Variants in PCDHGA11 observed in about 807,000 individuals in gnomAD.
The protein encoded by PCDHGA11 is protocadherin gamma subfamily A, 11, also known as protocadherin gamma-A11.
Under a neutral mutation model 60.4 loss-of-function variants are expected in PCDHGA11, and 39 were observed. The observed-to-expected ratio is 0.65, with a 90% CI of 0.50 to 0.84. The LOEUF (loss-of-function observed/expected upper bound fraction) is 0.84, where lower values mean the gene tolerates loss of function less well. Among genes scored for constraint, PCDHGA11 ranks in the 40% least tolerant of loss-of-function variants. The pLI is 0.00. For missense variants in PCDHGA11, 1,165 were observed against 1,197.7 expected (o/e 0.97, Z 0.40); for synonymous variants, 533 against 510.3 (o/e 1.04, Z -0.60).
At chr5:141,484,383 A>C (rs968059260) in intron 1 of PCDHGA11, among the ~76,000 whole-genome samples, 1 of 152,194 alleles carries the variant, frequency 6.6e-6, no homozygotes, top group Non-Finnish European at 1.5e-5. Context: ...ATGTCTGAAT[A>C]AGAAAGGTTT....
intron 3 of PCDHGA11, among the ~76,000 whole-genome samples, chr5:141,506,198 C>T (rs985517638): frequency 3.3e-5 from 5 of 152,156 alleles, no homozygotes; most frequent in Admixed American, 6.5e-5. Context: ...CGCCTGTAAT[C>T]CCAGCACTTT....
chr5:141,440,373 G>A (rs866892003), intron 1 of PCDHGA11: 2 of 152,214 alleles, frequency 1.3e-5, no homozygotes, highest in Non-Finnish European at 2.9e-5. Context: ...GGCCGAGGCA[G>A]GAGAATCGCT....
chr5:141,495,005 C>CG (rs2099758180), intron 2 of PCDHGA11, 140 bp downstream of exon 2: 6 of 1,522,802 alleles, frequency 3.9e-6, no homozygotes, highest in Admixed American at 2.0e-5. Context: ...TCTTGGTGTG[C>CG]GGGGGGCTGG....
chr5:141,476,016 G>A lies in PCDHGA11; in HGVS notation c.2434-18791G>A. 7.4e-7 allele frequency: 1 copy of A among 1,359,386 alleles called. No individual in the cohort carries two copies. 84.2% of individuals were successfully genotyped at this position (1,359,386 alleles called of 1,614,324 possible). A position where few individuals can be genotyped will look rare whatever the true frequency, so the allele number is the denominator to read the frequency against. On this transcript the variant is annotated intron_variant, in intron 1 of 3. Coordinates refer to ENST00000398587, the MANE Select transcript of PCDHGA11 (RefSeq NM_018914.3). This position sits in a 1 kb window ranked among gnomAD's most constrained non-coding sequence, Gnocchi z 7.6. ...TCAACGGCATCCAGAAAGCCATGTC[G>A]GACTCGGCGCCCAGCGCCCAAGCGC...
chr5:141,452,133 A>C (rs2098734490), intron 1 of PCDHGA11, among the ~76,000 whole-genome samples: 1 of 152,136 alleles, frequency 6.6e-6, no homozygotes, highest in Admixed American at 6.5e-5. Flanking sequence ...TATATGGCTC[A>C]TGTGTTTTTT....
chr5:141,430,413 A>G lies in PCDHGA11; in HGVS notation c.2433+6753A>G, dbSNP rs1437560579. ...AAAAAAAAAGCTCACTAAAGTTTCTATTAAAGCGAATACGGTAGATTTCCA... is the reference window on the plus strand; with the variant it reads ...AAAAAAAAAGCTCACTAAAGTTTCTGTTAAAGCGAATACGGTAGATTTCCA... On this transcript the variant is annotated intron_variant, in intron 1 of 3. Coordinates refer to ENST00000398587, the MANE Select transcript of PCDHGA11 (RefSeq NM_018914.3). Among the ~76,000 whole-genome samples the G allele has an allele frequency of 2.0e-5, 3 of 151,870 alleles. No homozygotes were observed. In the South Asian group the frequency reaches 6.2e-4, roughly 31 times the overall value.
intron 1 of PCDHGA11, among the ~76,000 whole-genome samples, chr5:141,454,065 G>A (rs1167102666): frequency 1.3e-5 from 2 of 152,204 alleles, no homozygotes; most frequent in Non-Finnish European, 2.9e-5. Flanking sequence ...AGAAACAAAA[G>A]TGATAATGTT....
intron 1 of PCDHGA11, among the ~76,000 whole-genome samples, chr5:141,438,833 T>C (rs989612425): frequency 6.6e-6 from 1 of 150,476 alleles, no homozygotes; most frequent in Non-Finnish European, 1.5e-5. Context: ...AGCTAATTTT[T>C]TAAAATATTT....
intron 1 of PCDHGA11, chr5:141,427,050 G>A (rs974721070): frequency 4.4e-6 from 2 of 457,372 alleles, no homozygotes; most frequent in Non-Finnish European, 4.4e-6. Flanking sequence ...TGTGCCCCCA[G>A]GCACCTCTGT....
At chr5:141,448,602 A>G (rs1350132402) in intron 1 of PCDHGA11, among the ~76,000 whole-genome samples, 1 of 152,154 alleles carries the variant, frequency 6.6e-6, no homozygotes, top group Non-Finnish European at 1.5e-5. Flanking sequence ...AAAATACTAT[A>G]CACCACTTTA....
At chr5:141,469,111 T>TA (rs1275770294) in intron 1 of PCDHGA11, among the ~76,000 whole-genome samples, 1 of 151,476 alleles carries the variant, frequency 6.6e-6, no homozygotes, top group African/African-American at 2.4e-5. Context: ...AACCTGTCTC[T>TA]AAAAAAATTT....
rs1309928984 is a variant in PCDHGA11, at chr5:141,421,601, T to C, written c.374T>C (p.Ile125Thr). ...LKIYGVEVEI[I>T]DINDNAPSFQ... ...ATTTACGGAGTGGAGGTGGAAATAA[T>C]AGATATTAATGATAACGCCCCCAGC... is the stretch of plus-strand genomic sequence containing the variant. Residue 125 changes from isoleucine to threonine, a missense_variant, in exon 1 of 4, where the codon ATA (isoleucine) becomes ACA (threonine). By Grantham distance (89) the Ile-to-Thr change is moderately conservative. Coordinates refer to ENST00000398587, the MANE Select transcript of PCDHGA11 (RefSeq NM_018914.3). 19 of 1,613,652 alleles carry C rather than the reference T, an allele frequency of 1.2e-5. No homozygotes were observed. Among genetic ancestry groups the C allele is most frequent in the Non-Finnish European group, 1.6e-5 (19 of 1,179,810 alleles).
chr5:141,462,998 C>A (rs562002585), intron 1 of PCDHGA11, among the ~76,000 whole-genome samples: 3 of 152,190 alleles, frequency 2.0e-5, no homozygotes, highest in Admixed American at 2.0e-4. Context: ...CTAATTTAGA[C>A]CTACCACTTA....
intron 1 of PCDHGA11, among the ~76,000 whole-genome samples, chr5:141,447,233 G>A (rs565398752): frequency 2.6e-5 from 4 of 152,028 alleles, no homozygotes; most frequent in Non-Finnish European, 4.4e-5. Flanking sequence ...TCCGCCTCCC[G>A]GGTTCAAGTG....
intron 1 of PCDHGA11, among the ~76,000 whole-genome samples, chr5:141,488,348 C>G (rs1231687770): frequency 3.2e-4 from 49 of 152,106 alleles, no homozygotes; most frequent in Admixed American, 3.2e-3. Context: ...TAGAAACAGC[C>G]ACCCTGTGCA....
chr5:141,510,916 G>C (rs1044988697), intron 3 of PCDHGA11, 31 bp from the exon 4 acceptor site: 2 of 1,613,714 alleles, frequency 1.2e-6, no homozygotes, highest in African/African-American at 1.3e-5. Flanking sequence ...CCTAAGTTTA[G>C]CTCCCACCTG....
At chr5:141,433,208 CTTT>C (rs745329085) in intron 1 of PCDHGA11, 6 of 1,292,918 alleles carry the variant, frequency 4.6e-6, no homozygotes, top group East Asian at 2.6e-5. Flanking sequence ...AATCTTCTTT[CTTT>C]TTTTTTTTTA....
chr5:141,480,414 CAA>C (rs10712552), intron 1 of PCDHGA11, among the ~76,000 whole-genome samples: 346 of 147,498 alleles, frequency 2.3e-3, no homozygotes, highest in African/African-American at 8.3e-3. Flanking sequence ...GACCCTGTCT[CAA>C]AAAAAAAAAT....
chr5:141,482,740 G>A (rs1288861437), intron 1 of PCDHGA11, among the ~76,000 whole-genome samples: 1 of 127,398 alleles, frequency 7.8e-6, no homozygotes, highest in African/African-American at 3.6e-5. Context: ...GAAATTCCAT[G>A]CAGAGGGATT....
Sources: allele counts gnomAD v4.1 joint callset (sites outside exome capture counted in the v4.1 genomes callset), GRCh38; gene constraint gnomAD v4.1.1; non-coding constraint Gnocchi (gnomAD v3.1); transcripts MANE v1.5; gene names NCBI Gene and HGNC (gene_info 2026-07-23, HGNC 2026-07-21).